The following ZDHHC2 variants were observed in gnomAD, a reference collection of about 807,000 sequenced individuals.
The protein encoded by ZDHHC2 is zDHHC palmitoyltransferase 2.
A neutral mutation model predicts 55.6 loss-of-function variants in ZDHHC2; 51 were observed. That is an observed-to-expected ratio of 0.92 (90% CI 0.73 to 1.16). The LOEUF (loss-of-function observed/expected upper bound fraction) is 1.16, where lower values mean the gene tolerates loss of function less well. Ranked by LOEUF, ZDHHC2 falls within the 50% of genes most tolerant of loss-of-function variation. The probability of loss-of-function intolerance (pLI) is 0.00; values close to 1 mark genes in which losing one functional copy is unlikely to be tolerated. For missense variants in ZDHHC2, 491 were observed against 442.4 expected (o/e 1.11, Z -0.99); for synonymous variants, 199 against 152.9 (o/e 1.30, Z -2.22).
chr8:17,211,317 T>G (rs73198537), intron 10 of ZDHHC2, among the ~76,000 whole-genome samples: 5,504 of 152,254 alleles, frequency 0.036, 156 homozygotes, highest in Non-Finnish European at 0.052. Flanking sequence ...AGAGCTTTTC[T>G]TAGTTGCTGC....
intron 3 of ZDHHC2, among the ~76,000 whole-genome samples, chr8:17,193,810 C>G (rs1484444237): frequency 6.6e-6 from 1 of 152,036 alleles, no homozygotes; most frequent in African/African-American, 2.4e-5. Flanking sequence ...GGGTACATGT[C>G]CAGAACGTGG....
chr8:17,211,715 T>TG (rs1306307263), intron 10 of ZDHHC2, among the ~76,000 whole-genome samples: 3 of 152,158 alleles, frequency 2.0e-5, no homozygotes, highest in African/African-American at 7.2e-5. Flanking sequence ...GAGTGAGCTA[T>TG]GTACAGGCCA....
At position 17,222,093 on chromosome 8, in the gene ZDHHC2, TTTATCCTTTACTCTTC is replaced by T. The variant is rs1028614933; in HGVS notation, c.*1874_*1889del. 1 of 151,566 alleles carries T rather than the reference TTTATCCTTTACTCTTC, an allele frequency of 6.6e-6. No individual in the cohort carries two copies. Among genetic ancestry groups the T allele is most frequent in the African/African-American group, 2.4e-5 (1 of 41,338 alleles). The allele number at this position is 151,566 out of a possible 1,614,324, so 9.4% of individuals were successfully genotyped here. A position where few individuals can be genotyped will look rare whatever the true frequency, so the allele number is the denominator to read the frequency against. On this transcript the variant is annotated 3_prime_UTR_variant, in exon 13 of 13. Transcript: ENST00000262096. The stretch of plus-strand genomic sequence containing the variant: ...GGAAGCTAGGGGAAAAAGAGGGATT[TTTATCCTTTACTCTTC>T]TAGAGTACTGTTAATGCCCCTTTCC...
intron 6 of ZDHHC2, among the ~76,000 whole-genome samples, chr8:17,204,514 T>G (rs1278649392): frequency 6.6e-6 from 1 of 152,196 alleles, no homozygotes; most frequent in East Asian, 1.9e-4. Flanking sequence ...TGACACAAGG[T>G]CATCCAGTAG....
In ZDHHC2 at chr8:17,199,546, T is replaced by TCTTCGTCTTCGTCTTGTCTTC. The variant is rs1806566009; in HGVS notation, c.476+1133_476+1134insCTTCGTCTTCGTCTTGTCTTC. On this transcript the variant is annotated intron_variant, in intron 6 of 12. Coordinates refer to ENST00000262096, the MANE Select transcript of ZDHHC2 (RefSeq NM_016353.5). ...GTCTTCGTCTTCTGTCTTCGTCTTC[T>TCTTCGTCTTCGTCTTGTCTTC]GTCTTCGTCTTCGTCTTCTTCGTCT... Among the ~76,000 whole-genome samples, 15 of 40,636 alleles carry TCTTCGTCTTCGTCTTGTCTTC rather than the reference T, an allele frequency of 3.7e-4. 1 individual carries two copies. Among genetic ancestry groups the TCTTCGTCTTCGTCTTGTCTTC allele is most frequent in the African/African-American group, 9.6e-4 (13 of 13,568 alleles). 26.7% of individuals were successfully genotyped at this position (40,636 alleles called of 152,430 possible). A position where few individuals can be genotyped will look rare whatever the true frequency, so the allele number is the denominator to read the frequency against.
chr8:17,174,401 C>T (rs1004305338), intron 1 of ZDHHC2, among the ~76,000 whole-genome samples: 4 of 152,110 alleles, frequency 2.6e-5, no homozygotes, highest in Non-Finnish European at 2.9e-5. Flanking sequence ...ACTTGGAATG[C>T]GATGAACACC....
intron 3 of ZDHHC2, among the ~76,000 whole-genome samples, chr8:17,192,848 T>C (rs1182416843): frequency 6.6e-6 from 1 of 152,240 alleles, no homozygotes; most frequent in Non-Finnish European, 1.5e-5. Flanking sequence ...GATATCTAGT[T>C]TCCCCAGCAG....
chr8:17,205,854 G>A lies in ZDHHC2; in HGVS notation c.597+79G>A, dbSNP rs555338885. 6.0e-4 allele frequency: 830 copies of A among 1,378,322 alleles called. 2 individuals carry two copies. The highest frequency in any genetic ancestry group is 3.5e-3 in the South Asian group (237 of 68,410). The allele number at this position is 1,378,322 out of a possible 1,614,324, so 85.4% of individuals were successfully genotyped here. On this transcript the variant is annotated intron_variant, in intron 7 of 12. Transcript: ENST00000262096. ...GGCTTTTCAGAACAGAATTATTTCC[G>A]ACACTGACTTTATAGACCAGAGCTC...
chr8:17,216,643 C>G (rs1375325248), intron 11 of ZDHHC2, among the ~76,000 whole-genome samples: 1 of 152,168 alleles, frequency 6.6e-6, no homozygotes, highest in Admixed American at 6.5e-5. Flanking sequence ...CACATTTCAT[C>G]TTACATAATT....
intron 2 of ZDHHC2, among the ~76,000 whole-genome samples, chr8:17,185,320 G>A (rs957195405): frequency 6.6e-6 from 1 of 152,010 alleles, no homozygotes; most frequent in African/African-American, 2.4e-5. Context: ...GTGTATTAAT[G>A]TATTACCCAG....
In ZDHHC2 at chr8:17,199,526, C is replaced by CGTCTTCGTCTTCT. The variant is rs1806552671; in HGVS notation, c.476+1119_476+1120insGTCTTCTGTCTTC. On this transcript the variant is annotated intron_variant, in intron 6 of 12. Transcript: ENST00000262096. ...TCTTCTTCTTCTTCGTCTTCGTCTT[C>CGTCTTCGTCTTCT]GTCTTCTGTCTTCGTCTTCTGTCTT... Among the ~76,000 whole-genome samples, 26 of 35,350 alleles carry CGTCTTCGTCTTCT rather than the reference C, an allele frequency of 7.4e-4. 2 individuals carry two copies. The Admixed American group carries it at 9.4e-3, about 13-fold the overall frequency. The allele number at this position is 35,350 out of a possible 152,430, so 23.2% of individuals were successfully genotyped here. A position where few individuals can be genotyped will look rare whatever the true frequency, so the allele number is the denominator to read the frequency against.
rs1306331386 is a variant in ZDHHC2, at chr8:17,220,677, C to T, written c.*456C>T. The T allele has an allele frequency of 6.6e-6, 1 of 152,130 alleles. No individual in the cohort carries two copies. The highest frequency in any genetic ancestry group is 2.4e-5 in the African/African-American group (1 of 41,430). The allele number at this position is 152,130 out of a possible 1,614,324, so 9.4% of individuals were successfully genotyped here. ...TAAGCATTATTCATAAAACTTGTTA[C>T]CTTTAAGAAGGTGGAAGTGGCAAAC... is the stretch of plus-strand genomic sequence containing the variant. On this transcript the variant is annotated 3_prime_UTR_variant, in exon 13 of 13. Transcript: ENST00000262096.
chr8:17,174,793 C>T (rs1411374850), intron 1 of ZDHHC2, among the ~76,000 whole-genome samples: 2 of 150,550 alleles, frequency 1.3e-5, no homozygotes, highest in Admixed American at 1.3e-4. Context: ...TCACTGCAGC[C>T]TCCGCCTCCT....
chr8:17,188,761 A>G (rs535502205), intron 3 of ZDHHC2, among the ~76,000 whole-genome samples: 3 of 152,278 alleles, frequency 2.0e-5, no homozygotes, highest in South Asian at 2.1e-4. Flanking sequence ...CCAGCTCCCT[A>G]TTTGACATCT....
intron 10 of ZDHHC2, among the ~76,000 whole-genome samples, chr8:17,214,569 C>G (rs192557990): frequency 5.3e-5 from 8 of 152,138 alleles, no homozygotes; most frequent in Admixed American, 1.3e-4. Context: ...GTTTATACCA[C>G]TCTCATAAAT....
At chr8:17,160,655 A>G (rs545255455) in intron 1 of ZDHHC2, among the ~76,000 whole-genome samples, 1 of 152,308 alleles carries the variant, frequency 6.6e-6, no homozygotes, top group East Asian at 1.9e-4. Flanking sequence ...TTTTAACTTT[A>G]TTATCGTTTA....
intron 6 of ZDHHC2, among the ~76,000 whole-genome samples, chr8:17,199,539 C>CGTCTTCGTCTT (rs1563161263): frequency 1.0e-4 from 7 of 67,952 alleles, no homozygotes; most frequent in African/African-American, 3.6e-4. Context: ...CTTCTGTCTT[C>CGTCTTCGTCTT]GTCTTCTGTC....
intron 6 of ZDHHC2, among the ~76,000 whole-genome samples, chr8:17,202,840 C>T (rs1806870703): frequency 6.6e-6 from 1 of 151,916 alleles, no homozygotes; most frequent in African/African-American, 2.4e-5. Flanking sequence ...TTACTGACCT[C>T]CTTTGTCCCT....
At chr8:17,200,632 A>G (rs1417984338) in intron 6 of ZDHHC2, among the ~76,000 whole-genome samples, 1 of 152,226 alleles carries the variant, frequency 6.6e-6, no homozygotes, top group Admixed American at 6.5e-5. Flanking sequence ...AAAAGAGAAA[A>G]TAATAATTTA....
Sources: allele counts gnomAD v4.1 joint callset (sites outside exome capture counted in the v4.1 genomes callset), GRCh38; gene constraint gnomAD v4.1.1; transcripts MANE v1.5; gene names NCBI Gene and HGNC (gene_info 2026-07-23, HGNC 2026-07-21).